The following HDGFL3 variants were observed in gnomAD, a reference collection of about 807,000 sequenced individuals.
The protein encoded by HDGFL3 is hepatoma-derived growth factor-related protein 3.
In HDGFL3, 6 loss-of-function variants were observed where a neutral mutation model predicts 27.6. That is an observed-to-expected ratio of 0.22 (90% CI 0.12 to 0.43). The LOEUF is 0.43. HDGFL3 is among the 20% of genes least tolerant of loss of function. The pLI, the probability that HDGFL3 is intolerant of heterozygous loss-of-function variation, is 1.00. For missense variants in HDGFL3, 207 were observed against 250.1 expected, an observed-to-expected ratio of 0.83 and a Z score of 1.16; for synonymous variants, 88 against 88.9, an observed-to-expected ratio of 0.99 and a Z score of 0.05.
chr15:83,116,927 A>T (rs2034719424), intron 3 of HDGFL3, among the ~76,000 whole-genome samples: 2 of 152,154 alleles, frequency 1.3e-5, no homozygotes, highest in South Asian at 4.1e-4. Context: ...ATTTCTGCAG[A>T]CATTTGTTGA....
Position 83,139,208 on chromosome 15 carries a change from T to C in HDGFL3, c.*62A>G, listed in dbSNP as rs2036717394. On this transcript the variant is annotated 3_prime_UTR_variant, in exon 6 of 6. Coordinates refer to ENST00000299633, the MANE Select transcript of HDGFL3 (RefSeq NM_016073.4). Reference sequence around the variant, plus strand: ...TGGTTCATATCAAATCCAAGAATATTAGACAACCAAACATATAACCTTCTT... The same window carrying C: ...TGGTTCATATCAAATCCAAGAATATCAGACAACCAAACATATAACCTTCTT... 1.7e-6 allele frequency: 2 copies of C among 1,204,828 alleles called. No homozygotes were observed. Among genetic ancestry groups the C allele is most frequent in the Admixed American group, 2.7e-5 (1 of 36,460 alleles). The allele number at this position is 1,204,828 out of a possible 1,614,324, so 74.6% of individuals were successfully genotyped here. A position where few individuals can be genotyped will look rare whatever the true frequency, so the allele number is the denominator to read the frequency against.
intron 1 of HDGFL3, among the ~76,000 whole-genome samples, chr15:83,205,817 C>G (rs2151424753): frequency 6.6e-6 from 1 of 152,326 alleles, no homozygotes; most frequent in South Asian, 2.1e-4. Flanking sequence ...TCTTGCCTCT[C>G]TAAGCAATAC....
intron 5 of HDGFL3, among the ~76,000 whole-genome samples, chr15:83,147,599 G>C (rs560088906): frequency 1.7e-4 from 26 of 152,272 alleles, no homozygotes; most frequent in African/African-American, 6.0e-4. Context: ...AATTAAGAGA[G>C]TGTGGTATTG....
At chr15:83,142,295 T>C (rs184784520) in intron 5 of HDGFL3, among the ~76,000 whole-genome samples, 139 of 152,284 alleles carry the variant, frequency 9.1e-4, no homozygotes, top group Non-Finnish European at 1.4e-3. Context: ...CAATGACAGA[T>C]TGGATAAAGA....
At chr15:83,177,830 A>G (rs2037332302) in intron 1 of HDGFL3, among the ~76,000 whole-genome samples, 2 of 152,216 alleles carry the variant, frequency 1.3e-5, no homozygotes, top group South Asian at 4.1e-4. Context: ...ATTTCATATG[A>G]CATAATTTCT....
chr15:83,126,265 T>C (rs1354031156), downstream of HDGFL3, among the ~76,000 whole-genome samples: 1 of 152,132 alleles, frequency 6.6e-6, no homozygotes, highest in African/African-American at 2.4e-5. Context: ...CCAAAAAGAC[T>C]TTCCAGCAAG....
intron 3 of HDGFL3, chr15:83,121,959 CTATTAT>C (rs1327462129): frequency 2.5e-6 from 4 of 1,611,212 alleles, no homozygotes; most frequent in Non-Finnish European, 2.5e-6. Flanking sequence ...TGGGTTGGAT[CTATTAT>C]TATGAGTGTT....
intron 1 of HDGFL3, among the ~76,000 whole-genome samples, chr15:83,192,462 A>G (rs2037523215): frequency 6.6e-6 from 1 of 152,226 alleles, no homozygotes; most frequent in Admixed American, 6.5e-5. Flanking sequence ...TACTTTGATT[A>G]GGAAGCTAAC....
intron 1 of HDGFL3, among the ~76,000 whole-genome samples, chr15:83,189,861 T>A (rs2151419588): frequency 6.6e-6 from 1 of 152,274 alleles, no homozygotes; most frequent in East Asian, 1.9e-4. Flanking sequence ...TAGCTGTAGC[T>A]CATTCATATT....
intron 1 of HDGFL3, among the ~76,000 whole-genome samples, chr15:83,200,529 ATAAG>A (rs571779643): frequency 4.6e-5 from 7 of 152,362 alleles, no homozygotes; most frequent in South Asian, 4.1e-4. Flanking sequence ...CCTGCATTGT[ATAAG>A]TAAGAAGCTT....
At chr15:83,116,304 G>C (rs1433465820) in intron 3 of HDGFL3, among the ~76,000 whole-genome samples, 1 of 152,144 alleles carries the variant, frequency 6.6e-6, no homozygotes, top group African/African-American at 2.4e-5. Context: ...TCTTAAATTT[G>C]TAAAGTACCC....
At chr15:83,190,456 C>T (rs1041170211) in intron 1 of HDGFL3, among the ~76,000 whole-genome samples, 1 of 152,144 alleles carries the variant, frequency 6.6e-6, no homozygotes, top group South Asian at 2.1e-4. Flanking sequence ...TCACCCATAT[C>T]CTCTTTAACA....
intron 1 of HDGFL3, among the ~76,000 whole-genome samples, chr15:83,201,350 T>G (rs2037643901): frequency 6.6e-6 from 1 of 152,258 alleles, no homozygotes; most frequent in African/African-American, 2.4e-5. Context: ...TTTCAATTTC[T>G]GTACCTATTT....
chr15:83,179,853 G>A (rs72758313), intron 1 of HDGFL3: 6,736 of 152,274 alleles, frequency 0.044, 209 homozygotes, highest in Non-Finnish European at 0.068. Context: ...AAAATGGTAG[G>A]TGCATAATAA....
intron 1 of HDGFL3, among the ~76,000 whole-genome samples, chr15:83,178,749 AC>A (rs2037344873): frequency 6.6e-6 from 1 of 152,208 alleles, no homozygotes; most frequent in Non-Finnish European, 1.5e-5. Context: ...TCTATTTAAA[AC>A]ATTATATTGT....
chr15:83,119,060 G>A (rs2034970460), intron 3 of HDGFL3, among the ~76,000 whole-genome samples: 1 of 152,192 alleles, frequency 6.6e-6, no homozygotes, highest in South Asian at 2.1e-4. Context: ...TAGAAGGAGG[G>A]GTTGGGTGTG....
intron 5 of HDGFL3, among the ~76,000 whole-genome samples, chr15:83,143,405 T>C (rs2036822285): frequency 6.6e-6 from 1 of 151,918 alleles, no homozygotes; most frequent in Non-Finnish European, 1.5e-5. Context: ...GCCAACGTGG[T>C]GAAATCCTAA....
chr15:83,185,394 C>A (rs529911928), intron 1 of HDGFL3, among the ~76,000 whole-genome samples: 1 of 152,304 alleles, frequency 6.6e-6, no homozygotes, highest in South Asian at 2.1e-4. Context: ...CCCAAGAAAT[C>A]TTAAGAGCAC....
intron 2 of HDGFL3, 179 bp downstream of exon 2, chr15:83,163,820 T>G: frequency 1.8e-6 from 1 of 564,940 alleles, no homozygotes; most frequent in East Asian, 3.1e-5. Context: ...ACGCTTTTAG[T>G]CATAAAGACT....
Sources: gnomAD v4.1 joint callset for allele counts (sites outside exome capture counted in the v4.1 genomes callset) on GRCh38, gnomAD v4.1.1 for gene constraint, MANE v1.5 for transcripts, NCBI Gene and HGNC (gene_info 2026-07-23, HGNC 2026-07-21) for gene names.